CSMD1: variants seen among roughly 807,000 people sequenced by gnomAD.
The protein encoded by CSMD1 is CUB and Sushi multiple domains 1, also known as CUB and sushi domain-containing protein 1.
Under a neutral mutation model 417.5 loss-of-function variants are expected in CSMD1, and 213 were observed. The ratio of observed to expected loss-of-function variants is 0.51; its 90% CI spans 0.46 to 0.57. The LOEUF (loss-of-function observed/expected upper bound fraction) is 0.57. Among genes scored for constraint, CSMD1 ranks in the 20% least tolerant of loss-of-function variants. The pLI is 0.00. For missense variants in CSMD1, 6,923 were observed against 4,529.7 expected (o/e 1.53, Z -15.17); for synonymous variants, 2,862 against 1,736.8 (o/e 1.65, Z -16.11).
intron 6 of CSMD1, among the ~76,000 whole-genome samples, chr8:3,725,891 A>G (rs1316674237): frequency 6.6e-6 from 1 of 152,202 alleles, no homozygotes; most frequent in Non-Finnish European, 1.5e-5. Context: ...TGCCCTTGAA[A>G]AGATGGAGCC....
At chr8:3,383,497 G>A (rs1019328733) in intron 18 of CSMD1, among the ~76,000 whole-genome samples, 1 of 151,954 alleles carries the variant, frequency 6.6e-6, no homozygotes, top group South Asian at 2.1e-4. Flanking sequence ...TTCCACACTA[G>A]GAAAACCTCA....
intron 1 of CSMD1, among the ~76,000 whole-genome samples, chr8:4,751,212 C>A (rs866398973): frequency 6.6e-6 from 1 of 152,134 alleles, no homozygotes; most frequent in Non-Finnish European, 1.5e-5. Context: ...TGGCGAAGAC[C>A]CATCTCTACT....
intron 5 of CSMD1, among the ~76,000 whole-genome samples, chr8:3,817,435 C>G (rs1055182849): frequency 6.6e-6 from 1 of 151,796 alleles, no homozygotes; most frequent in African/African-American, 2.4e-5. Context: ...CGTGCGCCAA[C>G]ATTCCCAGCT....
intron 3 of CSMD1, among the ~76,000 whole-genome samples, chr8:4,361,792 A>G (rs1198224248): frequency 6.6e-6 from 1 of 152,042 alleles, no homozygotes; most frequent in Non-Finnish European, 1.5e-5. Context: ...CATCTCTACT[A>G]AAAATACAAA....
chr8:4,300,691 A>T (rs74663062), intron 3 of CSMD1, among the ~76,000 whole-genome samples: 1 of 152,038 alleles, frequency 6.6e-6, no homozygotes, highest in Non-Finnish European at 1.5e-5. Context: ...ACACTCTCCC[A>T]ACCCCACAAC....
At chr8:4,905,295 G>C (rs1174841804) in intron 1 of CSMD1, among the ~76,000 whole-genome samples, 3 of 152,086 alleles carry the variant, frequency 2.0e-5, no homozygotes, top group African/African-American at 4.8e-5. Context: ...GGTGCCCAGA[G>C]TCTAATGGAT....
chr8:3,312,735 A>G (rs926408113), intron 23 of CSMD1, among the ~76,000 whole-genome samples: 2 of 152,118 alleles, frequency 1.3e-5, no homozygotes, highest in Admixed American at 6.6e-5. Flanking sequence ...TAGGGAGAAG[A>G]GTGCTGCCTC....
chr8:3,343,758 A>G (rs1807810866), intron 22 of CSMD1, among the ~76,000 whole-genome samples: 1 of 152,164 alleles, frequency 6.6e-6, no homozygotes, highest in African/African-American at 2.4e-5. Context: ...TCCAGGTTTC[A>G]TTATCTACCT....
At chr8:4,468,121 T>C (rs145209927) in intron 2 of CSMD1, among the ~76,000 whole-genome samples, 7 of 152,302 alleles carry the variant, frequency 4.6e-5, no homozygotes, top group African/African-American at 1.7e-4. Flanking sequence ...AATTCAGATA[T>C]AACTTTTTGA....
At chr8:4,580,366 G>T (rs931569151) in intron 2 of CSMD1, among the ~76,000 whole-genome samples, 1 of 152,022 alleles carries the variant, frequency 6.6e-6, no homozygotes, top group Non-Finnish European at 1.5e-5. Flanking sequence ...CATTTTCATC[G>T]CAGTGTTGAC....
chr8:4,649,626 T>A (rs960281380), intron 1 of CSMD1, among the ~76,000 whole-genome samples: 1 of 152,206 alleles, frequency 6.6e-6, no homozygotes, highest in Admixed American at 6.5e-5. Context: ...CAAAGGCCAA[T>A]TTTTTAATTT....
chr8:3,744,363 G>A (rs1033622308), intron 6 of CSMD1, among the ~76,000 whole-genome samples: 9 of 152,088 alleles, frequency 5.9e-5, no homozygotes, highest in African/African-American at 2.2e-4. Context: ...TACTAAACAG[G>A]GCACAGCAGG....
chr8:4,145,478 A>T (rs1804056578), intron 3 of CSMD1, among the ~76,000 whole-genome samples: 1 of 151,164 alleles, frequency 6.6e-6, no homozygotes, highest in Admixed American at 6.6e-5. Context: ...ATATACGGTA[A>T]ACTAGACGGC....
At chr8:3,452,925 CG>C (rs1341623741) in intron 12 of CSMD1, among the ~76,000 whole-genome samples, 2 of 152,098 alleles carry the variant, frequency 1.3e-5, no homozygotes, top group African/African-American at 4.8e-5. Context: ...TGGTAGAATT[CG>C]GCTGTGAATC....
intron 1 of CSMD1, among the ~76,000 whole-genome samples, chr8:4,690,127 G>T (rs976815213): frequency 1.3e-5 from 2 of 152,160 alleles, no homozygotes; most frequent in Non-Finnish European, 2.9e-5. Flanking sequence ...TCATGATATT[G>T]TGAAAGACTT....
chr8:3,689,249 A>G (rs1800108128), intron 7 of CSMD1, among the ~76,000 whole-genome samples: 1 of 152,146 alleles, frequency 6.6e-6, no homozygotes, highest in Non-Finnish European at 1.5e-5. Flanking sequence ...GTTACCATGA[A>G]GTGAATCATG....
chr8:4,783,470 A>T (rs1181453880), intron 1 of CSMD1, among the ~76,000 whole-genome samples: 1 of 152,248 alleles, frequency 6.6e-6, no homozygotes, highest in Non-Finnish European at 1.5e-5. Context: ...AGAACAATGT[A>T]TCCAAGATTA....
chr8:3,629,861 C>G (rs1796690209), intron 7 of CSMD1, among the ~76,000 whole-genome samples: 1 of 152,174 alleles, frequency 6.6e-6, no homozygotes, highest in South Asian at 2.1e-4. Context: ...ACAAACAAAA[C>G]TAGTTGTACA....
chr8:4,569,648 A>G (rs1275480841), intron 2 of CSMD1, among the ~76,000 whole-genome samples: 4 of 151,748 alleles, frequency 2.6e-5, no homozygotes, highest in African/African-American at 9.7e-5. Context: ...GTTCCACATG[A>G]CCTTTAGTTT....
Sources: allele counts gnomAD v4.1 joint callset (sites outside exome capture counted in the v4.1 genomes callset), GRCh38; gene constraint gnomAD v4.1.1; transcripts MANE v1.5; gene names NCBI Gene and HGNC (gene_info 2026-07-23, HGNC 2026-07-21).